The following ZNF236 variants were observed in gnomAD, a reference collection of about 807,000 sequenced individuals.
ZNF236 encodes regulated by glucose.
Under a neutral mutation model 191.2 loss-of-function variants are expected in ZNF236, and 50 were observed. The ratio of observed to expected loss-of-function variants is 0.26; its 90% CI spans 0.21 to 0.33. ZNF236 has a LOEUF of 0.33. Ranked by LOEUF, ZNF236 falls within the 10% of genes least tolerant of loss-of-function variation. ZNF236 has a pLI of 1.00. For synonymous variants in ZNF236, 907 were observed against 928.8 expected (o/e 0.98, Z 0.43); for missense variants, 1,754 against 2,374.5 (o/e 0.74, Z 5.43).
chr18:76,961,847 C>A (rs1968675991), intron 30 of ZNF236, among the ~76,000 whole-genome samples: 1 of 151,998 alleles, frequency 6.6e-6, no homozygotes, highest in African/African-American at 2.4e-5. Context: ...CATACGTTTG[C>A]TGGCCATTTA....
At chr18:76,825,530 T>G (rs575147370) in intron 1 of ZNF236, among the ~76,000 whole-genome samples, 1 of 152,138 alleles carries the variant, frequency 6.6e-6, no homozygotes, top group Non-Finnish European at 1.5e-5. Flanking sequence ...CCAGAGAAAA[T>G]GCAGAATAGA....
chr18:76,890,617 T>A (rs1977201067), intron 9 of ZNF236, among the ~76,000 whole-genome samples: 1 of 152,244 alleles, frequency 6.6e-6, no homozygotes, highest in Admixed American at 6.5e-5. Flanking sequence ...GGATTTTTTT[T>A]ACTCATCCAA....
chr18:76,825,135 G>A (rs1423041223), intron 1 of ZNF236, among the ~76,000 whole-genome samples: 4 of 152,136 alleles, frequency 2.6e-5, no homozygotes, highest in Non-Finnish European at 5.9e-5. Context: ...TTGTCTTAGG[G>A]CATTTGCCAT....
intron 9 of ZNF236, among the ~76,000 whole-genome samples, chr18:76,891,894 C>A (rs1977247312): frequency 6.6e-6 from 1 of 152,094 alleles, no homozygotes; most frequent in Admixed American, 6.5e-5. Flanking sequence ...ACTTTGATAA[C>A]TAGAAAGCCA....
rs1479728416 is a variant in ZNF236 at position 76,972,625 on chromosome 18, G to A, written c.*4286G>A. ...AATCTTTTATGTGTAACACTTTACAGCATGAAGACGTATTCTATCAATATT... is the reference window on the plus strand; with the variant it reads ...AATCTTTTATGTGTAACACTTTACAACATGAAGACGTATTCTATCAATATT... On this transcript the variant is annotated 3_prime_UTR_variant, in exon 31 of 31. Transcript: ENST00000320610. 1.3e-5 allele frequency among the ~76,000 whole-genome samples: 2 copies of A among 152,206 alleles called. No individual in the cohort carries two copies. The highest frequency in any genetic ancestry group is 2.4e-5 in the African/African-American group (1 of 41,450).
chr18:76,834,717 A>C (rs933602822), intron 1 of ZNF236: 1 of 443,926 alleles, frequency 2.3e-6, no homozygotes, highest in African/African-American at 2.0e-5. Context: ...TAGTGTCCTC[A>C]TACAACCTGA....
chr18:76,862,736 C>T (rs1421039747), intron 3 of ZNF236, among the ~76,000 whole-genome samples: 3 of 152,132 alleles, frequency 2.0e-5, no homozygotes, highest in African/African-American at 4.8e-5. Flanking sequence ...TGGGGCTCTG[C>T]GAAATGGGTC....
At chr18:76,828,851 G>A (rs1251387277) in intron 1 of ZNF236, among the ~76,000 whole-genome samples, 2 of 152,152 alleles carry the variant, frequency 1.3e-5, no homozygotes, top group Non-Finnish European at 2.9e-5. Context: ...TATTTTAGTA[G>A]AGACGGGGTT....
chr18:76,904,460 T>C lies in ZNF236; in HGVS notation c.1975T>C (p.Tyr659His). ...TTTTGTCAATGAAGCAGATAGACCA[T>C]ACAAGTGTTTTTACTGTCATCGTGC... ...NNFVNEADRP[Y>H]KCFYCHRAYK... is the part of the protein sequence containing the mutation. Residue 659 changes from tyrosine to histidine, a missense_variant, in exon 12 of 31, where the codon TAC (tyrosine) becomes CAC (histidine). Tyr to His is a moderately conservative substitution (Grantham distance 83, BLOSUM62 2). Transcript: ENST00000320610. The C allele has an allele frequency of 5.0e-6, 8 of 1,611,586 alleles. No individual in the cohort carries two copies. Among genetic ancestry groups the C allele is most frequent in the Non-Finnish European group, 5.9e-6 (7 of 1,178,986 alleles).
rs1354522976 is a variant in ZNF236 at position 76,919,924 on chromosome 18, G to A, written c.3423G>A (p.Leu1141=). 6.2e-7 allele frequency: 1 copy of A among 1,614,208 alleles called. No individual in the cohort carries two copies. Among genetic ancestry groups the A allele is most frequent in the Admixed American group, 1.7e-5 (1 of 60,034 alleles). The change falls in exon 20 of 31, where the codon CTG becomes CTA. Residue 1141 remains leucine (L), a synonymous_variant. Coordinates refer to ENST00000320610, the MANE Select transcript of ZNF236 (RefSeq NM_001306089.2). The surrounding 1 kb of genome is among the most constrained non-coding windows in gnomAD (Gnocchi z 5.3). ...QESATVSEKV[L]VQSAAEKDRI... The stretch of plus-strand genomic sequence containing the variant: ...GCGCCACGGTGTCAGAGAAGGTCCT[G>A]GTGCAGTCCGCGGCAGAAAAGGACC...
At chr18:76,943,361 C>T (rs1050480525) in intron 26 of ZNF236, among the ~76,000 whole-genome samples, 2 of 151,902 alleles carry the variant, frequency 1.3e-5, no homozygotes, top group Admixed American at 6.6e-5. Context: ...AGGAGCAGGC[C>T]GGTGGTAGTT....
At chr18:76,910,388 C>T (rs1337951259) in intron 15 of ZNF236, among the ~76,000 whole-genome samples, 2 of 152,070 alleles carry the variant, frequency 1.3e-5, no homozygotes, top group Admixed American at 6.6e-5. Flanking sequence ...CCATTCTACA[C>T]GTAGTTTCCA....
chr18:76,961,653 T>A (rs1331410511), intron 30 of ZNF236, among the ~76,000 whole-genome samples: 1 of 152,230 alleles, frequency 6.6e-6, no homozygotes, highest in Non-Finnish European at 1.5e-5. Context: ...TTTTCCATAG[T>A]GGCTGTACTA....
In ZNF236 at chr18:76,841,274, T is replaced by C. The variant is rs186176265; in HGVS notation, c.56-8252T>C. On this transcript the variant is annotated intron_variant, in intron 1 of 30. Transcript: ENST00000320610. The stretch of plus-strand genomic sequence containing the variant: ...TTTTAGTAGAGACAAGGTTTCACCA[T>C]GTTGGTCAGGCTGGTCTTGAACCCC... Among the ~76,000 whole-genome samples, 341 of 150,836 alleles carry C rather than the reference T, an allele frequency of 2.3e-3. 1 individual carries two copies. The highest frequency in any genetic ancestry group is 6.8e-3 in the Middle Eastern group (2 of 294).
chr18:76,948,880 A>T (rs1352333131), intron 27 of ZNF236, among the ~76,000 whole-genome samples: 2 of 152,328 alleles, frequency 1.3e-5, no homozygotes, highest in South Asian at 4.1e-4. Flanking sequence ...GGCCTTCACC[A>T]TAAGTCACAT....
intron 30 of ZNF236, among the ~76,000 whole-genome samples, chr18:76,961,788 T>C (rs1356256064): frequency 6.6e-6 from 1 of 152,156 alleles, no homozygotes; most frequent in African/African-American, 2.4e-5. Context: ...TATCACATTG[T>C]GGTTTTGATT....
At position 76,913,110 on chromosome 18, in the gene ZNF236, T is replaced by C. The variant is rs932712688; in HGVS notation, c.2910-637T>C. 2.6e-5 allele frequency among the ~76,000 whole-genome samples: 4 copies of C among 151,990 alleles called. No individual in the cohort carries two copies. The South Asian group carries it at 8.3e-4, about 32-fold the overall frequency. The stretch of plus-strand genomic sequence containing the variant: ...TAACCTCTTGCTGGAGATTAAAACT[T>C]GAGAATGGACAAAAGAGACATACTA... On this transcript the variant is annotated intron_variant, in intron 17 of 30. Transcript: ENST00000320610.
chr18:76,878,376 CTG>C (rs1177343573), intron 7 of ZNF236, among the ~76,000 whole-genome samples: 1 of 152,066 alleles, frequency 6.6e-6, no homozygotes. Context: ...ATAAGACAAA[CTG>C]TAATCATTAA....
At chr18:76,908,244 T>C (rs1003628919) in intron 13 of ZNF236, 76 bp from the exon 14 acceptor site, 1 of 1,501,818 alleles carries the variant, frequency 6.7e-7, no homozygotes, top group African/African-American at 1.4e-5. Context: ...CAATGACAAC[T>C]CTTTCACTGT....
Sources: allele counts gnomAD v4.1 joint callset (sites outside exome capture counted in the v4.1 genomes callset), GRCh38; gene constraint gnomAD v4.1.1; non-coding constraint Gnocchi (gnomAD v3.1); transcripts MANE v1.5; gene names NCBI Gene and HGNC (gene_info 2026-07-23, HGNC 2026-07-21).